Variants in CIMIP3 observed in about 807,000 individuals in gnomAD.
The protein encoded by CIMIP3 is ciliary microtubule inner protein 3, also known as GUCA1A neighbor.
chr6:42,156,906 A>G, the CIMIP3 span, among the ~76,000 whole-genome samples: 2 of 152,334 alleles, frequency 1.3e-5, no homozygotes, highest in South Asian at 4.1e-4. Flanking sequence ...TTCACACCCA[A>G]GTGCTATTTG....
the CIMIP3 span, chr6:42,155,547 GGAAAGAGCAT>G: frequency 2.8e-6 from 2 of 717,358 alleles, no homozygotes; most frequent in South Asian, 3.0e-5. Context: ...CTGATGGGCA[GGAAAGAGCAT>G]GAAAGCCCCA....
chr6:42,157,645 C>T, the CIMIP3 span, among the ~76,000 whole-genome samples: 1 of 152,004 alleles, frequency 6.6e-6, no homozygotes, highest in Non-Finnish European at 1.5e-5. Context: ...CTGCCTTGGC[C>T]TCCCAAAGTG....
the CIMIP3 span, among the ~76,000 whole-genome samples, chr6:42,161,633 C>T: frequency 1.3e-5 from 2 of 152,078 alleles, no homozygotes; most frequent in South Asian, 4.2e-4. Flanking sequence ...TGAGTAGACC[C>T]CAATAAGTAA....
chr6:42,157,113 C>T, the CIMIP3 span, among the ~76,000 whole-genome samples: 2 of 152,208 alleles, frequency 1.3e-5, no homozygotes, highest in East Asian at 3.8e-4. Context: ...TGCACTTCCT[C>T]ACTCTAAACC....
chr6:42,156,994 C>T, the CIMIP3 span, among the ~76,000 whole-genome samples: 81,169 of 152,060 alleles, frequency 0.53, 22,296 homozygotes, highest in Non-Finnish European at 0.61. Context: ...AGGCCATGTG[C>T]CTATGGCCCT....
the CIMIP3 span, among the ~76,000 whole-genome samples, chr6:42,157,455 GC>G: frequency 6.6e-6 from 1 of 151,976 alleles, no homozygotes; most frequent in Non-Finnish European, 1.5e-5. Flanking sequence ...TTGCCACGTT[GC>G]CAAGGCTGGT....
the CIMIP3 span, among the ~76,000 whole-genome samples, chr6:42,162,087 ATTCTTTTTTTTTTTT>A: frequency 8.9e-6 from 1 of 111,782 alleles, no homozygotes; most frequent in Admixed American, 9.7e-5. Context: ...TGGAAGCCAC[ATTCTTTTTTTTTTTT>A]TTTTTTTTTT....
chr6:42,155,545 C>T, the CIMIP3 span: 1 of 717,386 alleles, frequency 1.4e-6, no homozygotes, highest in Non-Finnish European at 2.6e-6. Flanking sequence ...GCCTGATGGG[C>T]AGGAAAGAGC....
chr6:42,163,206 G>A, the CIMIP3 span: 149 of 593,132 alleles, frequency 2.5e-4, no homozygotes, highest in Admixed American at 2.8e-3. Context: ...ACCCGCAAGC[G>A]CTTTGATGTG....
the CIMIP3 span, among the ~76,000 whole-genome samples, chr6:42,157,795 C>T: frequency 1.3e-5 from 2 of 152,038 alleles, no homozygotes. Flanking sequence ...TGGTGAGAAT[C>T]TCTACTTGTC....
chr6:42,163,391 T>C, the CIMIP3 span: 1 of 409,058 alleles, frequency 2.4e-6, no homozygotes. Flanking sequence ...TTGACAATGA[T>C]AAAGGGAGGT....
At chr6:42,162,367 A>G in the CIMIP3 span, among the ~76,000 whole-genome samples, 2 of 150,362 alleles carry the variant, frequency 1.3e-5, no homozygotes, top group South Asian at 2.1e-4. Context: ...GTGAGCCGAG[A>G]TCGTGCCATT....
chr6:42,158,337 G>A, the CIMIP3 span, among the ~76,000 whole-genome samples: 1 of 152,220 alleles, frequency 6.6e-6, no homozygotes, highest in Non-Finnish European at 1.5e-5. Context: ...GAGGGCTAGT[G>A]CTGCCTGACT....
chr6:42,156,812 G>A, the CIMIP3 span, among the ~76,000 whole-genome samples: 1 of 152,234 alleles, frequency 6.6e-6, no homozygotes, highest in African/African-American at 2.4e-5. Context: ...TAAGAACAGG[G>A]TCAGGCCCAG....
At chr6:42,160,074 C>A in the CIMIP3 span, among the ~76,000 whole-genome samples, 4 of 152,140 alleles carry the variant, frequency 2.6e-5, no homozygotes, top group East Asian at 1.9e-4. Context: ...CAGCCTCGAC[C>A]TCCTGGGTTC....
chr6:42,159,883 G>T, the CIMIP3 span, among the ~76,000 whole-genome samples: 4 of 152,228 alleles, frequency 2.6e-5, no homozygotes, highest in African/African-American at 4.8e-5. Flanking sequence ...AATTACAAGT[G>T]GGGCTAATAA....
chr6:42,163,115 C>T, the CIMIP3 span: 2 of 710,484 alleles, frequency 2.8e-6, no homozygotes, highest in Non-Finnish European at 5.3e-6. Flanking sequence ...CTACACCTCC[C>T]AGTACTCCAA....
At chr6:42,155,514 G>A in the CIMIP3 span, 1 of 717,060 alleles carries the variant, frequency 1.4e-6, no homozygotes, top group South Asian at 1.5e-5. Context: ...GCTGGGGAAG[G>A]TCAGCTCGGG....
chr6:42,155,456 C>T, the CIMIP3 span: 1 of 685,230 alleles, frequency 1.5e-6, no homozygotes, highest in Non-Finnish European at 2.7e-6. Context: ...ACCTCACCAT[C>T]AAGAAAGGCC....
Sources: gnomAD v4.1 joint callset for allele counts (sites outside exome capture counted in the v4.1 genomes callset) on GRCh38, gnomAD v4.1.1 for gene constraint, MANE v1.5 for transcripts, NCBI Gene and HGNC (gene_info 2026-07-23, HGNC 2026-07-21) for gene names.